The following STOX2 variants were observed in gnomAD, a reference collection of about 807,000 sequenced individuals.
The protein encoded by STOX2 is storkhead box 2.
Under a neutral mutation model 60.9 loss-of-function variants are expected in STOX2, and 28 were observed. That is an observed-to-expected ratio of 0.46 (90% confidence interval 0.34 to 0.63). The LOEUF (loss-of-function observed/expected upper bound fraction) is 0.63, where lower values mean the gene tolerates loss of function less well. Among genes scored for constraint, STOX2 ranks in the 30% least tolerant of loss-of-function variants. STOX2 has a pLI of 0.01. For synonymous variants in STOX2, 472 were observed against 463.9 expected, an observed-to-expected ratio of 1.02 and a Z score of -0.22; for missense variants, 1,024 against 1,187.7, an observed-to-expected ratio of 0.86 and a Z score of 2.03.
intron 1 of STOX2, among the ~76,000 whole-genome samples, chr4:183,926,868 C>T (rs1163621763): frequency 6.6e-6 from 1 of 152,102 alleles, no homozygotes; most frequent in Non-Finnish European, 1.5e-5. Context: ...GTGATCTGCC[C>T]GCCTCGGCCT....
At chr4:183,862,894 C>T (rs1371492401) in intron 1 of STOX2, among the ~76,000 whole-genome samples, 1 of 152,132 alleles carries the variant, frequency 6.6e-6, no homozygotes, top group Admixed American at 6.5e-5. Context: ...GTGAGGCCTA[C>T]AAGGAAGGCG....
At chr4:183,802,981 G>A (rs1738802872) in intron 1 of STOX2, among the ~76,000 whole-genome samples, 2 of 152,176 alleles carry the variant, frequency 1.3e-5, no homozygotes. Context: ...AATTTACAAA[G>A]GAAAGAAGTT....
At chr4:184,008,923 A>T (rs1028127633) in intron 2 of STOX2, among the ~76,000 whole-genome samples, 34 of 152,118 alleles carry the variant, frequency 2.2e-4, no homozygotes, top group African/African-American at 7.7e-4. Flanking sequence ...ACTCCACCTA[A>T]CTTCCATCTC....
At chr4:183,935,107 G>A (rs1742549908) in intron 1 of STOX2, among the ~76,000 whole-genome samples, 1 of 152,238 alleles carries the variant, frequency 6.6e-6, no homozygotes, top group African/African-American at 2.4e-5. Context: ...AAACAGTTTG[G>A]TGTTTTTATG....
chr4:183,867,702 C>T (rs772720388), intron 1 of STOX2, among the ~76,000 whole-genome samples: 7 of 152,292 alleles, frequency 4.6e-5, no homozygotes, highest in African/African-American at 1.4e-4. Context: ...ATAGTTAATT[C>T]TTGGCGTGTG....
intron 1 of STOX2, among the ~76,000 whole-genome samples, chr4:183,831,497 T>G (rs2111120813): frequency 6.7e-6 from 1 of 149,152 alleles, no homozygotes; most frequent in Admixed American, 6.6e-5. Flanking sequence ...TTTAGAACTA[T>G]GTACATTTTT....
At position 183,841,454 on chromosome 4, in the gene STOX2, G is replaced by T. The variant is rs544810131; in HGVS notation, c.364+43399G>T. Among the ~76,000 whole-genome samples, 123 of 152,162 alleles carry T rather than the reference G, an allele frequency of 8.1e-4. 1 individual carries two copies. Among genetic ancestry groups the T allele is most frequent in the Middle Eastern group, 3.4e-3 (1 of 294 alleles). On this transcript the variant is annotated intron_variant, in intron 1 of 2. Transcript: ENST00000513034. ...TCTTATATTCCTGACCTCAAAAGATGCTCCCTCCTCGGCCTCCCAAAGTTC... is the reference window on the plus strand; with the variant it reads ...TCTTATATTCCTGACCTCAAAAGATTCTCCCTCCTCGGCCTCCCAAAGTTC...
intron 1 of STOX2, among the ~76,000 whole-genome samples, chr4:183,831,974 TTTC>T (rs1264138950): frequency 1.4e-4 from 21 of 150,790 alleles, no homozygotes; most frequent in East Asian, 5.8e-4. Context: ...AGTTCATTCA[TTTC>T]TTCTTCTTCT....
chr4:183,886,352 G>T (rs1741084289), intron 1 of STOX2, among the ~76,000 whole-genome samples: 1 of 152,178 alleles, frequency 6.6e-6, no homozygotes, highest in African/African-American at 2.4e-5. Context: ...ACAGAAAGGG[G>T]GGGGAATGAG....
intron 1 of STOX2, chr4:183,798,096 C>G: frequency 1.6e-6 from 2 of 1,223,272 alleles, no homozygotes; most frequent in Non-Finnish European, 2.0e-6. Flanking sequence ...CCCTTCCCAC[C>G]GGATCGCGTC....
At chr4:183,840,077 G>A (rs1739819600) in intron 1 of STOX2, among the ~76,000 whole-genome samples, 1 of 151,988 alleles carries the variant, frequency 6.6e-6, no homozygotes, top group African/African-American at 2.4e-5. Context: ...TGTTGGTTGT[G>A]GGGGCAAGAA....
At chr4:183,924,867 T>C (rs1430399267) in intron 1 of STOX2, among the ~76,000 whole-genome samples, 3 of 152,134 alleles carry the variant, frequency 2.0e-5, no homozygotes, top group Non-Finnish European at 2.9e-5. Context: ...TCAAGATAGC[T>C]GTGCTGGCGT....
upstream of STOX2, among the ~76,000 whole-genome samples, chr4:183,901,687 G>A (rs1223206981): frequency 6.6e-6 from 1 of 150,382 alleles, no homozygotes; most frequent in Non-Finnish European, 1.5e-5. Context: ...AATGATTACT[G>A]ATACTGAGTA....
chr4:183,929,391 G>A lies in STOX2; in HGVS notation c.166+22435G>A, dbSNP rs532515114. On this transcript the variant is annotated intron_variant, in intron 1 of 3. Coordinates refer to ENST00000308497, the MANE Select transcript of STOX2 (RefSeq NM_020225.3). ...GCGTTAGGAATTCAGGGAAAAGAAC[G>A]GCCTAGGTCTGGAGGTTTGGAAGTA... Among the ~76,000 whole-genome samples, 11 of 152,252 alleles carry A rather than the reference G, an allele frequency of 7.2e-5. No homozygotes were observed. In the South Asian group the frequency reaches 8.3e-4, roughly 11 times the overall value.
chr4:183,929,493 T>A (rs1202663887), intron 1 of STOX2, among the ~76,000 whole-genome samples: 1 of 152,158 alleles, frequency 6.6e-6, no homozygotes, highest in Non-Finnish European at 1.5e-5. Context: ...TTTGGGGACA[T>A]AATTTATAAC....
At chr4:183,973,238 A>G (rs544015531) in intron 1 of STOX2, among the ~76,000 whole-genome samples, 1 of 152,328 alleles carries the variant, frequency 6.6e-6, no homozygotes, top group African/African-American at 2.4e-5. Context: ...ACAAACCTAA[A>G]CAGGCTAAAA....
intron 1 of STOX2, among the ~76,000 whole-genome samples, chr4:183,915,704 G>A (rs558661623): frequency 1.4e-4 from 22 of 152,330 alleles, no homozygotes; most frequent in Admixed American, 1.2e-3. Context: ...CATGTGACGA[G>A]AGAGGCAGAG....
At position 184,010,971 on chromosome 4, in the gene STOX2, G is replaced by T. The variant is rs771624774; in HGVS notation, c.2133G>T (p.Leu711Phe). 1.7e-5 allele frequency: 28 copies of T among 1,613,346 alleles called. No homozygotes were observed. Among genetic ancestry groups the T allele is most frequent in the Non-Finnish European group, 1.8e-5 (21 of 1,179,668 alleles). Residue 711 changes from leucine (L) to phenylalanine (F), a missense_variant, in exon 3 of 4, where the codon TTG (leucine) becomes TTT (phenylalanine). Physicochemically the swap from Leu to Phe is conservative, Grantham distance 22. Coordinates refer to ENST00000308497, the MANE Select transcript of STOX2 (RefSeq NM_020225.3). This position sits in a 1 kb window ranked among gnomAD's most constrained non-coding sequence, Gnocchi z 4.5. ...DTLFKPLHST[L>F]SVNSYHKSSL... is the part of the protein sequence containing the mutation. The stretch of plus-strand genomic sequence containing the variant: ...TGTTCAAACCTCTTCACAGCACCTT[G>T]TCTGTAAACAGCTATCACAAGTCGA...
chr4:183,915,106 G>C (rs967161625), intron 1 of STOX2, among the ~76,000 whole-genome samples: 1 of 152,114 alleles, frequency 6.6e-6, no homozygotes, highest in African/African-American at 2.4e-5. Flanking sequence ...ACTTTAATCC[G>C]TGATGGCCCC....
Sources: gnomAD v4.1 joint callset for allele counts (sites outside exome capture counted in the v4.1 genomes callset) on GRCh38, gnomAD v4.1.1 for gene constraint, Gnocchi (gnomAD v3.1) non-coding constraint, MANE v1.5 for transcripts, NCBI Gene and HGNC (gene_info 2026-07-23, HGNC 2026-07-21) for gene names.